HS3ST5: variants seen among roughly 807,000 people sequenced by gnomAD.
The protein encoded by HS3ST5 is heparan sulfate-glucosamine 3-sulfotransferase 5.
In HS3ST5, 10 loss-of-function variants were observed where a neutral mutation model predicts 25.4. The ratio of observed to expected loss-of-function variants is 0.39; its 90% CI spans 0.24 to 0.67. The LOEUF is 0.67. Ranked by LOEUF, HS3ST5 falls within the 30% of genes least tolerant of loss-of-function variation. The pLI, the probability that HS3ST5 is intolerant of heterozygous loss-of-function variation, is 0.44. For synonymous variants in HS3ST5, 170 were observed against 162.4 expected (o/e 1.05, Z -0.36); for missense variants, 324 against 420.7 (o/e 0.77, Z 2.01).
chr6:114,129,756 A>G (rs1295537874), intron 3 of HS3ST5, among the ~76,000 whole-genome samples: 3 of 152,258 alleles, frequency 2.0e-5, no homozygotes, highest in South Asian at 4.1e-4. Context: ...AGATACCTTC[A>G]GAGAAAATGT....
intron 3 of HS3ST5, among the ~76,000 whole-genome samples, chr6:114,106,550 T>C (rs1052514046): frequency 7.2e-5 from 11 of 152,126 alleles, no homozygotes; most frequent in African/African-American, 2.7e-4. Context: ...TAACAACTTT[T>C]ATGCAGTACA....
Position 114,151,655 on chromosome 6 carries a change from T to C in HS3ST5, c.-33+16696A>G, listed in dbSNP as rs562876798. Among the ~76,000 whole-genome samples the C allele has an allele frequency of 1.5e-3, 230 of 152,346 alleles. 1 individual carries two copies. Among genetic ancestry groups the C allele is most frequent in the African/African-American group, 5.3e-3 (222 of 41,574 alleles). On this transcript the variant is annotated intron_variant, in intron 3 of 4. Coordinates refer to ENST00000312719, the MANE Select transcript of HS3ST5 (RefSeq NM_153612.4). ...AGTGCAACCTCTCTCTGGAAGCCAA[T>C]AGATGGACAACCACTTGCTTCTGAG...
chr6:114,339,519 G>A (rs1776742243), intron 1 of HS3ST5, among the ~76,000 whole-genome samples: 2 of 150,560 alleles, frequency 1.3e-5, no homozygotes, highest in South Asian at 2.1e-4. Context: ...ATAAAGAGAC[G>A]GTAAGATTTA....
At chr6:114,065,098 G>A (rs1355022629) in intron 3 of HS3ST5, among the ~76,000 whole-genome samples, 1 of 152,180 alleles carries the variant, frequency 6.6e-6, no homozygotes, top group African/African-American at 2.4e-5. Context: ...AAGAGAAAGA[G>A]AGTGAGGTTT....
chr6:114,119,945 G>A (rs1382732319), intron 3 of HS3ST5, among the ~76,000 whole-genome samples: 3 of 152,074 alleles, frequency 2.0e-5, no homozygotes, highest in African/African-American at 7.2e-5. Flanking sequence ...AGGAGTTCGA[G>A]ACCGGCCTGG....
chr6:114,218,800 A>G (rs1447542698), intron 2 of HS3ST5, among the ~76,000 whole-genome samples: 1 of 152,224 alleles, frequency 6.6e-6, no homozygotes, highest in Non-Finnish European at 1.5e-5. Flanking sequence ...TAAATCATGA[A>G]TAAAACTTTT....
At chr6:114,302,683 C>T (rs779425029) in intron 1 of HS3ST5, among the ~76,000 whole-genome samples, 12 of 152,202 alleles carry the variant, frequency 7.9e-5, no homozygotes, top group African/African-American at 1.2e-4. Context: ...GAGCAAAGGA[C>T]TGTCTTTCTA....
intron 3 of HS3ST5, among the ~76,000 whole-genome samples, chr6:114,106,855 C>T (rs924532572): frequency 4.0e-5 from 6 of 151,892 alleles, no homozygotes; most frequent in Non-Finnish European, 2.9e-5. Flanking sequence ...GAAAAGTTAC[C>T]AGGTAAGATA....
At chr6:114,201,091 G>A (rs1000493193) in intron 2 of HS3ST5, among the ~76,000 whole-genome samples, 3 of 152,132 alleles carry the variant, frequency 2.0e-5, no homozygotes, top group African/African-American at 7.2e-5. Flanking sequence ...GGACTCATAC[G>A]TGCAATTGCT....
intron 3 of HS3ST5, among the ~76,000 whole-genome samples, chr6:114,160,432 C>G (rs1274906132): frequency 1.3e-5 from 2 of 151,938 alleles, no homozygotes; most frequent in Non-Finnish European, 2.9e-5. Context: ...TAAAGAAAAA[C>G]TTGAGATCTC....
intron 3 of HS3ST5, among the ~76,000 whole-genome samples, chr6:114,081,885 A>C (rs915202): frequency 0.34 from 51,103 of 151,984 alleles, 8,762 homozygotes; most frequent in Non-Finnish European, 0.37. Context: ...CATGCAACTC[A>C]CCTATTTAAA....
chr6:114,263,528 T>C (rs726917), intron 1 of HS3ST5, among the ~76,000 whole-genome samples: 11,705 of 152,260 alleles, frequency 0.077, 553 homozygotes, highest in African/African-American at 0.14. Context: ...AAATGTGTTA[T>C]TTTCGGCTAC....
intron 3 of HS3ST5, among the ~76,000 whole-genome samples, chr6:114,069,729 C>T (rs1464120490): frequency 6.6e-6 from 1 of 151,940 alleles, no homozygotes; most frequent in East Asian, 1.9e-4. Flanking sequence ...ACCATGTTGC[C>T]CAGGCTGGTC....
chr6:114,334,485 T>C (rs1776528671), intron 1 of HS3ST5, among the ~76,000 whole-genome samples: 1 of 152,242 alleles, frequency 6.6e-6, no homozygotes, highest in Admixed American at 6.5e-5. Context: ...AGTCATGTAC[T>C]GCATAACATC....
At chr6:114,085,851 T>C (rs1195988052) in intron 3 of HS3ST5, among the ~76,000 whole-genome samples, 1 of 151,966 alleles carries the variant, frequency 6.6e-6, no homozygotes. Context: ...ATAAATGATA[T>C]AGGGTACCTA....
chr6:114,158,556 G>A (rs1778804789), intron 3 of HS3ST5, among the ~76,000 whole-genome samples: 1 of 152,158 alleles, frequency 6.6e-6, no homozygotes, highest in Admixed American at 6.5e-5. Context: ...AGCAGACAAA[G>A]AAAATGAGGC....
intron 1 of HS3ST5, among the ~76,000 whole-genome samples, chr6:114,326,161 G>C (rs974837147): frequency 6.6e-6 from 1 of 151,416 alleles, no homozygotes; most frequent in African/African-American, 2.5e-5. Flanking sequence ...GGGTGAACTG[G>C]GTGGGTCACC....
chr6:114,122,955 T>C (rs900285006), intron 3 of HS3ST5, among the ~76,000 whole-genome samples: 1 of 152,208 alleles, frequency 6.6e-6, no homozygotes, highest in Non-Finnish European at 1.5e-5. Flanking sequence ...TGTTTGTTTG[T>C]TTGTTTGTTT....
At chr6:114,232,611 G>A (rs1771651470) in intron 1 of HS3ST5, among the ~76,000 whole-genome samples, 1 of 152,140 alleles carries the variant, frequency 6.6e-6, no homozygotes, top group Non-Finnish European at 1.5e-5. Flanking sequence ...CCTTCATCCA[G>A]TGTTCTCTTT....
Sources: gnomAD v4.1 joint callset for allele counts (sites outside exome capture counted in the v4.1 genomes callset) on GRCh38, gnomAD v4.1.1 for gene constraint, MANE v1.5 for transcripts, NCBI Gene and HGNC (gene_info 2026-07-23, HGNC 2026-07-21) for gene names.